Variants in PTPRN2 observed in about 807,000 individuals in gnomAD.
PTPRN2 encodes the protein receptor-type tyrosine-protein phosphatase N2.
Under a neutral mutation model 118.8 loss-of-function variants are expected in PTPRN2, and 74 were observed. That is an observed-to-expected ratio of 0.62 (90% CI 0.52 to 0.76). The LOEUF (loss-of-function observed/expected upper bound fraction) is 0.76, where lower values mean the gene tolerates loss of function less well. PTPRN2 is among the 30% of genes least tolerant of loss of function. PTPRN2 has a pLI of 0.00. For missense variants in PTPRN2, 1,481 were observed against 1,394.4 expected (o/e 1.06, Z -0.99); for synonymous variants, 641 against 608.0 (o/e 1.05, Z -0.80).
chr7:157,826,907 C>T (rs780070132), intron 12 of PTPRN2, among the ~76,000 whole-genome samples: 57 of 152,118 alleles, frequency 3.7e-4, no homozygotes, highest in Non-Finnish European at 6.2e-4. Flanking sequence ...CCCAGGAGCA[C>T]GACTTATCCC....
intron 12 of PTPRN2, among the ~76,000 whole-genome samples, chr7:157,711,750 G>C (rs1157195140): frequency 6.6e-6 from 1 of 152,076 alleles, no homozygotes; most frequent in Non-Finnish European, 1.5e-5. Flanking sequence ...CAGTTCTGCC[G>C]GGTTAACCTC....
chr7:157,930,663 T>C (rs1290927860), intron 11 of PTPRN2, among the ~76,000 whole-genome samples: 1 of 152,194 alleles, frequency 6.6e-6, no homozygotes, highest in African/African-American at 2.4e-5. Flanking sequence ...ATACCATCCC[T>C]GTTCCTGAGA....
At chr7:158,534,111 C>T (rs57775825) in intron 1 of PTPRN2, among the ~76,000 whole-genome samples, 3,736 of 72,764 alleles carry the variant, frequency 0.051, 379 homozygotes, top group South Asian at 0.12. Context: ...TGACCACCCA[C>T]GCCCTGGGCT....
intron 21 of PTPRN2, among the ~76,000 whole-genome samples, chr7:157,556,139 A>G (rs573841240): frequency 2.9e-4 from 44 of 152,298 alleles, no homozygotes; most frequent in African/African-American, 9.4e-4. Flanking sequence ...CACACGGTTC[A>G]AGCCCTCCCC....
intron 12 of PTPRN2, among the ~76,000 whole-genome samples, chr7:157,792,330 C>T (rs1275499871): frequency 6.6e-6 from 1 of 152,226 alleles, no homozygotes; most frequent in African/African-American, 2.4e-5. Context: ...GCCAGCCCAG[C>T]CCTGGGCCAT....
Position 157,845,758 on chromosome 7 carries a change from G to A in PTPRN2, c.1788+52915C>T, listed in dbSNP as rs1448806579. Among the ~76,000 whole-genome samples the A allele has an allele frequency of 3.3e-5, 5 of 152,282 alleles. No individual in the cohort carries two copies. Among genetic ancestry groups the A allele is most frequent in the South Asian group, 2.1e-4 (1 of 4,816 alleles). On this transcript the variant is annotated intron_variant, in intron 12 of 22. Transcript: ENST00000389418. The surrounding 1 kb of genome is among the most constrained non-coding windows in gnomAD (Gnocchi z 4.5). ...GCTCATGACTCACAGAGACGGGGAC[G>A]GCAGCAAGGACACAGCAGGGCCATG...
At chr7:157,904,007 T>G (rs1301498551) in intron 11 of PTPRN2, among the ~76,000 whole-genome samples, 10 of 152,236 alleles carry the variant, frequency 6.6e-5, no homozygotes, top group Admixed American at 4.6e-4. Context: ...GCCGGGCCAC[T>G]GTCACTTCCT....
chr7:158,094,748 G>A (rs564837374), intron 10 of PTPRN2, among the ~76,000 whole-genome samples: 5 of 152,234 alleles, frequency 3.3e-5, no homozygotes, highest in Admixed American at 6.5e-5. Context: ...GCTTTTTCCC[G>A]AAGCCTCAGC....
chr7:158,551,531 G>A (rs1032195146), intron 1 of PTPRN2, among the ~76,000 whole-genome samples: 1 of 143,284 alleles, frequency 7.0e-6, no homozygotes, highest in Non-Finnish European at 1.5e-5. Context: ...CTGGAGTGGG[G>A]CTCTAACACA....
chr7:157,674,508 T>C lies in PTPRN2; in HGVS notation c.2001+8217A>G, dbSNP rs1376542675. 1.3e-5 allele frequency among the ~76,000 whole-genome samples: 2 copies of C among 152,240 alleles called. No homozygotes were observed. Among genetic ancestry groups the C allele is most frequent in the Admixed American group, 1.3e-4 (2 of 15,284 alleles). On this transcript the variant is annotated intron_variant, in intron 13 of 22. Transcript: ENST00000389418. The surrounding 1 kb of genome is among the most constrained non-coding windows in gnomAD (Gnocchi z 4.5). The stretch of plus-strand genomic sequence containing the variant: ...TGGCGGCTCCAGCCATCATTCCTCA[T>C]CCCACCACCCCGCGCAGCGTCTTGC...
intron 11 of PTPRN2, among the ~76,000 whole-genome samples, chr7:158,071,463 CTCGTG>C (rs1811630473): frequency 9.4e-6 from 1 of 106,340 alleles, no homozygotes; most frequent in Non-Finnish European, 1.9e-5. Context: ...GGTTGAGGTG[CTCGTG>C]GTGGTGGAGG....
intron 2 of PTPRN2, among the ~76,000 whole-genome samples, chr7:158,406,609 C>G (rs571668039): frequency 1.1e-4 from 17 of 152,378 alleles, no homozygotes; most frequent in African/African-American, 4.1e-4. Flanking sequence ...TCCCCAGTCT[C>G]TCCCGCGGAC....
intron 2 of PTPRN2, among the ~76,000 whole-genome samples, chr7:158,327,110 T>C (rs1803657581): frequency 7.2e-6 from 1 of 138,834 alleles, no homozygotes. Flanking sequence ...CCCATGCACA[T>C]TCTCACACAA....
rs1457650859 is a variant in PTPRN2, at chr7:157,927,320, C to CT, written c.1724-28584_1724-28583insA. On this transcript the variant is annotated intron_variant, in intron 11 of 22. Coordinates refer to ENST00000389418, the MANE Select transcript of PTPRN2 (RefSeq NM_002847.5). Reference sequence around the variant, plus strand: ...GCAGAGACCTCATGTCTTCTGGGACCCCAAGACAGGAAGCCCCAGGGACCC... The same window carrying CT: ...GCAGAGACCTCATGTCTTCTGGGACCTCCAAGACAGGAAGCCCCAGGGACCC... 1.0e-3 allele frequency among the ~76,000 whole-genome samples: 79 copies of CT among 76,358 alleles called. 6 individuals are homozygous for CT. The highest frequency in any genetic ancestry group is 4.6e-3 in the African/African-American group (67 of 14,588). The allele number at this position is 76,358 out of a possible 152,430, so 50.1% of individuals were successfully genotyped here. A position where few individuals can be genotyped will look rare whatever the true frequency, so the allele number is the denominator to read the frequency against.
Position 158,511,226 on chromosome 7 carries a change from G to A in PTPRN2, c.113-21441C>T, listed in dbSNP as rs181066189. On this transcript the variant is annotated intron_variant, in intron 1 of 22. Coordinates refer to ENST00000389418, the MANE Select transcript of PTPRN2 (RefSeq NM_002847.5). ...CCTCCTCACCTCAAAATGTCGAGAG[G>A]CAGCTGGATGCGCTGGTGTGGTCAG... Among the ~76,000 whole-genome samples the A allele has an allele frequency of 2.7e-3, 406 of 152,232 alleles. 1 individual carries two copies. Among genetic ancestry groups the A allele is most frequent in the African/African-American group, 6.7e-3 (280 of 41,524 alleles).
At chr7:158,428,346 G>T in intron 2 of PTPRN2, among the ~76,000 whole-genome samples, 1 of 152,026 alleles carries the variant, frequency 6.6e-6, no homozygotes, top group East Asian at 1.9e-4. Context: ...AGACGAGGGC[G>T]GCAGCAAGAC....
At chr7:158,124,797 G>A (rs1817484315) in intron 9 of PTPRN2, among the ~76,000 whole-genome samples, 1 of 152,218 alleles carries the variant, frequency 6.6e-6, no homozygotes, top group South Asian at 2.1e-4. Flanking sequence ...GCTGGGGCTG[G>A]GGTCTGTATC....
chr7:157,584,800 C>T (rs1800582263), intron 17 of PTPRN2, among the ~76,000 whole-genome samples: 1 of 152,246 alleles, frequency 6.6e-6, no homozygotes. Context: ...TGGTCTGAGA[C>T]AGATTAAAGA....
intron 11 of PTPRN2, among the ~76,000 whole-genome samples, chr7:158,054,367 A>T (rs979248307): frequency 3.3e-5 from 5 of 152,228 alleles, no homozygotes; most frequent in African/African-American, 1.2e-4. Context: ...TCCTCAGGAA[A>T]GAAAGGCCAC....
Sources: allele counts gnomAD v4.1 joint callset (sites outside exome capture counted in the v4.1 genomes callset), GRCh38; gene constraint gnomAD v4.1.1; non-coding constraint Gnocchi (gnomAD v3.1); transcripts MANE v1.5; gene names NCBI Gene and HGNC (gene_info 2026-07-23, HGNC 2026-07-21).